The following DAB2IP variants were observed in gnomAD, a reference collection of about 807,000 sequenced individuals.
DAB2IP encodes disabled homolog 2-interacting protein.
A neutral mutation model predicts 107.2 loss-of-function variants in DAB2IP; 28 were observed. The ratio of observed to expected loss-of-function variants is 0.26; its 90% CI spans 0.19 to 0.36. The LOEUF (loss-of-function observed/expected upper bound fraction) is 0.36. DAB2IP is among the 10% of genes least tolerant of loss of function. The pLI, the probability that DAB2IP is intolerant of heterozygous loss-of-function variation, is 1.00. For missense variants in DAB2IP, 1,400 were observed against 1,644.7 expected (o/e 0.85, Z 2.57); for synonymous variants, 755 against 706.4 (o/e 1.07, Z -1.09).
At chr9:121,676,641 A>ACACACACACTCACACACACACT (rs1554723137) in intron 1 of DAB2IP, among the ~76,000 whole-genome samples, 2 of 151,658 alleles carry the variant, frequency 1.3e-5, no homozygotes, top group African/African-American at 4.9e-5. Context: ...AGACGCACAC[A>ACACACACACTCACACACACACT]CACACACACA....
chr9:121,642,496 T>C (rs1208928704), intron 1 of DAB2IP, among the ~76,000 whole-genome samples: 4 of 148,294 alleles, frequency 2.7e-5, no homozygotes, highest in Non-Finnish European at 6.0e-5. Context: ...TTCTTTTTTT[T>C]TTTTTTTTTG....
intron 3 of DAB2IP, among the ~76,000 whole-genome samples, chr9:121,720,793 G>C (rs751233493): frequency 2.0e-5 from 3 of 152,188 alleles, no homozygotes; most frequent in African/African-American, 4.8e-5. Flanking sequence ...CCCAGCAGGA[G>C]CAGGGGCCTC....
intron 1 of DAB2IP, among the ~76,000 whole-genome samples, chr9:121,674,644 T>G (rs1433326899): frequency 6.6e-6 from 1 of 152,150 alleles, no homozygotes; most frequent in Non-Finnish European, 1.5e-5. Context: ...ATTTCTTTGC[T>G]TCTGGTCTCA....
At chr9:121,723,602 G>T (rs1458332894) in intron 3 of DAB2IP, among the ~76,000 whole-genome samples, 2 of 152,218 alleles carry the variant, frequency 1.3e-5, no homozygotes, top group Admixed American at 1.3e-4. Context: ...CACCTGATGG[G>T]TCTTGCAGCA....
chr9:121,665,476 T>G (rs1473589252), intron 1 of DAB2IP, among the ~76,000 whole-genome samples: 1 of 152,236 alleles, frequency 6.6e-6, no homozygotes, highest in Non-Finnish European at 1.5e-5. Flanking sequence ...ATATTTAGGT[T>G]TTGATAATCA....
rs1211342533 is a variant in DAB2IP at position 121,702,683 on chromosome 9, G to C, written c.362+3225G>C. ...TCATTTACAGGGCTGTTTTAATGTT[G>C]GTAAAAGTGATATAGAGGATGTGGT... On this transcript the variant is annotated intron_variant, in intron 3 of 15. Transcript: ENST00000408936. This position sits in a 1 kb window ranked among gnomAD's most constrained non-coding sequence, Gnocchi z 4.5. 6.6e-6 allele frequency among the ~76,000 whole-genome samples: 1 copy of C among 152,076 alleles called. No homozygotes were observed. Among genetic ancestry groups the C allele is most frequent in the Non-Finnish European group, 1.5e-5 (1 of 68,018 alleles).
At chr9:121,573,146 G>A (rs897883637) in intron 1 of DAB2IP, among the ~76,000 whole-genome samples, 3 of 152,168 alleles carry the variant, frequency 2.0e-5, no homozygotes, top group Middle Eastern at 3.4e-3. Flanking sequence ...GCGCAATCTC[G>A]GCTCACTCCA....
At chr9:121,623,101 C>G (rs761530902) in intron 1 of DAB2IP, among the ~76,000 whole-genome samples, 5 of 152,176 alleles carry the variant, frequency 3.3e-5, no homozygotes, top group Non-Finnish European at 5.9e-5. Context: ...CAATTTTGCT[C>G]TCTTTCTCAC....
chr9:121,692,980 G>C (rs1829236645), intron 2 of DAB2IP, among the ~76,000 whole-genome samples: 1 of 152,234 alleles, frequency 6.6e-6, no homozygotes, highest in Non-Finnish European at 1.5e-5. Context: ...CCCTGGCCCT[G>C]GCAGCTGCTC....
exon 16 of DAB2IP, chr9:121,785,103 T>C (rs960314918): frequency 2.6e-5 from 4 of 152,622 alleles, no homozygotes; most frequent in African/African-American, 9.7e-5. Flanking sequence ...TTCTGGGTGA[T>C]GGAAACTGCC....
intron 3 of DAB2IP, among the ~76,000 whole-genome samples, chr9:121,727,587 G>A (rs1049387975): frequency 1.4e-4 from 21 of 152,258 alleles, no homozygotes; most frequent in Admixed American, 6.5e-4. Flanking sequence ...CCTGTTTGGC[G>A]GAGCAAGAAA....
At chr9:121,577,152 A>C (rs1014251873) in intron 1 of DAB2IP, among the ~76,000 whole-genome samples, 1 of 152,224 alleles carries the variant, frequency 6.6e-6, no homozygotes, top group African/African-American at 2.4e-5. Flanking sequence ...ACAGGGACAG[A>C]CACAGAGAAG....
intron 3 of DAB2IP, among the ~76,000 whole-genome samples, chr9:121,733,596 G>C (rs751338471): frequency 1.3e-5 from 2 of 152,206 alleles, no homozygotes; most frequent in African/African-American, 4.8e-5. Context: ...GAGATGAACA[G>C]ACCCCAAGGA....
At chr9:121,687,045 G>A (rs1401811773) in intron 2 of DAB2IP, among the ~76,000 whole-genome samples, 4 of 152,214 alleles carry the variant, frequency 2.6e-5, no homozygotes, top group African/African-American at 4.8e-5. Context: ...TTTCCTGCCA[G>A]TTGGGGGCAG....
Position 121,684,221 on chromosome 9 carries a change from T to C in DAB2IP, c.228+5440T>C, listed in dbSNP as rs986190888. The stretch of plus-strand genomic sequence containing the variant: ...CGCCCATGTCACCATGGAAAGGCTG[T>C]TGGAAATTAACTGGTTCAACCCTTC... On this transcript the variant is annotated intron_variant, in intron 2 of 15. Transcript: ENST00000408936. This position sits in a 1 kb window ranked among gnomAD's most constrained non-coding sequence, Gnocchi z 4.0. Among the ~76,000 whole-genome samples, 2 of 152,108 alleles carry C rather than the reference T, an allele frequency of 1.3e-5. No individual in the cohort carries two copies. Among genetic ancestry groups the C allele is most frequent in the African/African-American group, 4.8e-5 (2 of 41,404 alleles).
chr9:121,660,405 T>C (rs927645462), intron 1 of DAB2IP, among the ~76,000 whole-genome samples: 3 of 152,136 alleles, frequency 2.0e-5, no homozygotes, highest in African/African-American at 4.8e-5. Flanking sequence ...GGAAAAGAAC[T>C]CTTAACAACC....
intron 1 of DAB2IP, among the ~76,000 whole-genome samples, chr9:121,577,742 C>T (rs1275385790): frequency 6.6e-6 from 1 of 152,158 alleles, no homozygotes; most frequent in Non-Finnish European, 1.5e-5. Context: ...GGGTGTTAGG[C>T]ATGGAAAATG....
At chr9:121,594,905 G>A (rs1037646028) in intron 1 of DAB2IP, among the ~76,000 whole-genome samples, 2 of 152,204 alleles carry the variant, frequency 1.3e-5, no homozygotes, top group Non-Finnish European at 2.9e-5. Flanking sequence ...GGCACTGACT[G>A]GGTAGAGATA....
chr9:121,759,852 A>G (rs753345235), intron 5 of DAB2IP, 33 bp from the exon 6 acceptor site: 73 of 1,578,076 alleles, frequency 4.6e-5, no homozygotes, highest in Non-Finnish European at 6.0e-5. Context: ...TGGCACCCCC[A>G]GCTGACCACC....
Sources: gnomAD v4.1 joint callset for allele counts (sites outside exome capture counted in the v4.1 genomes callset) on GRCh38, gnomAD v4.1.1 for gene constraint, Gnocchi (gnomAD v3.1) non-coding constraint, MANE v1.5 for transcripts, NCBI Gene and HGNC (gene_info 2026-07-23, HGNC 2026-07-21) for gene names.